The following RABGAP1 variants were observed in gnomAD, a reference collection of about 807,000 sequenced individuals.
The protein encoded by RABGAP1 is rab GTPase-activating protein 1.
RABGAP1 carries 23 observed loss-of-function variants against 137.6 expected under a neutral mutation model. The ratio of observed to expected loss-of-function variants is 0.17; its 90% CI spans 0.12 to 0.24. The LOEUF is 0.24. Ranked by LOEUF, RABGAP1 falls within the 10% of genes least tolerant of loss-of-function variation. The pLI is 1.00. For synonymous variants in RABGAP1, 451 were observed against 450.7 expected, an observed-to-expected ratio of 1.00 and a Z score of -0.01; for missense variants, 906 against 1,275.8, an observed-to-expected ratio of 0.71 and a Z score of 4.42.
intron 1 of RABGAP1, among the ~76,000 whole-genome samples, chr9:122,950,665 C>T (rs1195876151): frequency 4.6e-5 from 7 of 152,002 alleles, no homozygotes; most frequent in Admixed American, 2.0e-4. Flanking sequence ...GTCTTTTATT[C>T]CTCACCATAA....
chr9:122,957,344 T>C lies in RABGAP1; in HGVS notation c.150+135T>C, dbSNP rs1834580465. 5 of 691,028 alleles carry C rather than the reference T, an allele frequency of 7.2e-6. No individual in the cohort carries two copies. The East Asian group carries it at 1.3e-4, about 17-fold the overall frequency. 42.8% of individuals were successfully genotyped at this position (691,028 alleles called of 1,614,324 possible). ...ATACTTCTTTTTCTTTAAAGAATTT[T>C]ATTTGCACTTAGTGAGAAGTTTGTA... On this transcript the variant is annotated intron_variant, in intron 2 of 25. Transcript: ENST00000373647.
intron 13 of RABGAP1, among the ~76,000 whole-genome samples, chr9:123,041,223 A>G (rs549163814): frequency 6.9e-4 from 105 of 152,370 alleles, no homozygotes; most frequent in Non-Finnish European, 1.2e-3. Flanking sequence ...CAGATGAAAC[A>G]GATTTTGAGG....
intron 13 of RABGAP1, among the ~76,000 whole-genome samples, chr9:123,020,710 G>A (rs933223168): frequency 6.6e-6 from 1 of 152,108 alleles, no homozygotes; most frequent in Non-Finnish European, 1.5e-5. Flanking sequence ...TTTTTTGAGT[G>A]TAAATAACAT....
intron 2 of RABGAP1, among the ~76,000 whole-genome samples, chr9:122,974,762 T>C (rs1392757097): frequency 2.0e-5 from 3 of 152,336 alleles, no homozygotes; most frequent in Admixed American, 1.3e-4. Context: ...TCCCGTCCTC[T>C]TTTTATTTTA....
chr9:122,950,423 G>A (rs960576324), intron 1 of RABGAP1, among the ~76,000 whole-genome samples: 2 of 104,818 alleles, frequency 1.9e-5, no homozygotes, highest in African/African-American at 7.5e-5. Flanking sequence ...ATCTGTGGCT[G>A]TTAACCAGGA....
At chr9:122,933,622 T>C in the RABGAP1 span, among the ~76,000 whole-genome samples, 1 of 151,762 alleles carries the variant, frequency 6.6e-6, no homozygotes, top group African/African-American at 2.4e-5. Flanking sequence ...CCAGCTACTT[T>C]TTGTAAATTA....
chr9:122,951,799 T>C (rs1378070132), intron 1 of RABGAP1, among the ~76,000 whole-genome samples: 1 of 152,118 alleles, frequency 6.6e-6, no homozygotes, highest in Non-Finnish European at 1.5e-5. Context: ...TCTTGAAATC[T>C]TGGCCTCAAG....
intron 13 of RABGAP1, among the ~76,000 whole-genome samples, chr9:123,059,416 G>A (rs1242802768): frequency 2.0e-5 from 3 of 152,044 alleles, no homozygotes; most frequent in African/African-American, 7.2e-5. Flanking sequence ...TTAGCCAGGC[G>A]TGGTGGCGGG....
Position 123,103,623 on chromosome 9 carries a change from A to ATATATGTATATG in RABGAP1, c.*415_*416insGTATATGTATAT, listed in dbSNP as rs1564197081. On this transcript the variant is annotated 3_prime_UTR_variant, in exon 26 of 26. Transcript: ENST00000373647. ...TATATATATATATATATATATATAT[A>ATATATGTATATG]TATATATATATATAGTGGGGGTGGG... 1.1e-5 allele frequency: 1 copy of ATATATGTATATG among 90,932 alleles called. No individual in the cohort carries two copies. The highest frequency in any genetic ancestry group is 1.1e-4 in the Admixed American group (1 of 8,820). 5.6% of individuals were successfully genotyped at this position (90,932 alleles called of 1,614,324 possible).
chr9:123,101,013 G>A (rs1588419012), intron 24 of RABGAP1, among the ~76,000 whole-genome samples: 1 of 152,144 alleles, frequency 6.6e-6, no homozygotes, highest in African/African-American at 2.4e-5. Context: ...TTTCTTAGAG[G>A]AACATAAAAT....
intron 8 of RABGAP1, 156 bp from the exon 9 acceptor site, chr9:122,997,103 C>T: frequency 1.6e-6 from 1 of 610,558 alleles, no homozygotes; most frequent in Non-Finnish European, 2.9e-6. Flanking sequence ...AAATAATTGT[C>T]ACATTTTTTA....
intron 13 of RABGAP1, among the ~76,000 whole-genome samples, chr9:123,037,098 T>G (rs1449999756): frequency 6.6e-6 from 1 of 152,144 alleles, no homozygotes; most frequent in Non-Finnish European, 1.5e-5. Context: ...GGTTGTAATC[T>G]GAATGCGACA....
intron 19 of RABGAP1, among the ~76,000 whole-genome samples, chr9:123,079,965 T>C (rs975835452): frequency 3.3e-5 from 5 of 152,186 alleles, no homozygotes; most frequent in Non-Finnish European, 7.3e-5. Flanking sequence ...CGCTTATAAA[T>C]ATCGATTGAA....
chr9:123,070,528 A>C lies in RABGAP1; in HGVS notation c.1983+104A>C. ...TATATTGGGTTTGGACAGACTCTTA[A>C]GGCATGAATTTTAACACCTATAGCT... On this transcript the variant is annotated intron_variant, in intron 15 of 25. Coordinates refer to ENST00000373647, the MANE Select transcript of RABGAP1 (RefSeq NM_012197.4). This position sits in a 1 kb window ranked among gnomAD's most constrained non-coding sequence, Gnocchi z 4.4. 2 of 1,528,344 alleles carry C rather than the reference A, an allele frequency of 1.3e-6. No homozygotes were observed. The highest frequency in any genetic ancestry group is 2.3e-5 in the East Asian group (1 of 43,260). The allele number at this position is 1,528,344 out of a possible 1,614,324, so 94.7% of individuals were successfully genotyped here. A position where few individuals can be genotyped will look rare whatever the true frequency, so the allele number is the denominator to read the frequency against.
rs769635690 is a variant in RABGAP1, at chr9:123,090,311, T to C, written c.2554T>C (p.Leu852=). The stretch of plus-strand genomic sequence containing the variant: ...GCGTCTACAAGAAGCTAACATGAGG[T>C]TGGAACAGGAAAACGATGACTTAGC... ...NRRLQEANMR[L]EQENDDLAHE... Residue 852 remains leucine, a synonymous_variant, in exon 21 of 26, where the codon TTG becomes CTG. Transcript: ENST00000373647. 1.2e-5 allele frequency: 19 copies of C among 1,613,162 alleles called. No homozygotes were observed. Among genetic ancestry groups the C allele is most frequent in the Non-Finnish European group, 1.4e-5 (17 of 1,179,776 alleles).
At chr9:123,007,436 G>C (rs1336712845) in intron 10 of RABGAP1, among the ~76,000 whole-genome samples, 1 of 148,306 alleles carries the variant, frequency 6.7e-6, no homozygotes, top group Non-Finnish European at 1.5e-5. Context: ...GGAGTACAGT[G>C]GAACGATCTC....
intron 14 of RABGAP1, among the ~76,000 whole-genome samples, chr9:123,066,121 A>G (rs568016379): frequency 6.6e-6 from 1 of 152,316 alleles, no homozygotes; most frequent in Admixed American, 6.5e-5. Flanking sequence ...CCTATGTAGT[A>G]AGTACAGGTA....
At chr9:122,984,780 A>G (rs2131745808) in intron 3 of RABGAP1, 61 bp downstream of exon 3, 1 of 1,441,258 alleles carries the variant, frequency 6.9e-7, no homozygotes, top group East Asian at 2.3e-5. Flanking sequence ...GTGAGTGTCC[A>G]CCCTGTACTA....
chr9:123,101,382 GGTGTATAATACCAA>G (rs1035886372), intron 24 of RABGAP1, among the ~76,000 whole-genome samples, 170 bp from the exon 25 acceptor site: 11 of 152,010 alleles, frequency 7.2e-5, no homozygotes, highest in African/African-American at 2.2e-4. Context: ...TATTATTTTT[GGTGTATAATACCAA>G]GTGGCTTTTC....
Sources: allele counts gnomAD v4.1 joint callset (sites outside exome capture counted in the v4.1 genomes callset), GRCh38; gene constraint gnomAD v4.1.1; non-coding constraint Gnocchi (gnomAD v3.1); transcripts MANE v1.5; gene names NCBI Gene and HGNC (gene_info 2026-07-23, HGNC 2026-07-21).